DIP2C: variants seen among roughly 807,000 people sequenced by gnomAD.
The protein encoded by DIP2C is disco-interacting protein 2 homolog C.
Under a neutral mutation model 192.4 loss-of-function variants are expected in DIP2C, and 33 were observed. The observed-to-expected ratio is 0.17, with a 90% CI of 0.13 to 0.23. The LOEUF (loss-of-function observed/expected upper bound fraction) is 0.23, where lower values mean the gene tolerates loss of function less well. DIP2C is among the 10% of genes least tolerant of loss of function. The pLI, the probability that DIP2C is intolerant of heterozygous loss-of-function variation, is 1.00. For missense variants in DIP2C, 1,537 were observed against 2,110.1 expected, an observed-to-expected ratio of 0.73 and a Z score of 5.32; for synonymous variants, 979 against 864.1, an observed-to-expected ratio of 1.13 and a Z score of -2.33.
At chr10:308,120 C>G (rs1212985170) in intron 32 of DIP2C, among the ~76,000 whole-genome samples, 2 of 152,184 alleles carry the variant, frequency 1.3e-5, no homozygotes, top group African/African-American at 4.8e-5. Flanking sequence ...CTGGGCGGGG[C>G]CCGGTGAAAG....
chr10:318,614 T>C (rs1456027902), intron 31 of DIP2C, among the ~76,000 whole-genome samples: 1 of 152,174 alleles, frequency 6.6e-6, no homozygotes, highest in Non-Finnish European at 1.5e-5. Context: ...GAGGTTTCCA[T>C]TGCTTACAGG....
chr10:609,157 A>G (rs564051660), intron 1 of DIP2C, among the ~76,000 whole-genome samples: 27 of 152,304 alleles, frequency 1.8e-4, no homozygotes, highest in African/African-American at 5.5e-4. Flanking sequence ...CAAGACAAAC[A>G]TGACTACAAA....
intron 16 of DIP2C, 34 bp from the exon 17 acceptor site, chr10:382,795 G>T: frequency 6.9e-7 from 1 of 1,447,720 alleles, no homozygotes; most frequent in Non-Finnish European, 9.5e-7. Flanking sequence ...TCAGACAGCT[G>T]AAGCACTGTG....
At chr10:295,388 C>T (rs745649869) in intron 32 of DIP2C, among the ~76,000 whole-genome samples, 5 of 151,518 alleles carry the variant, frequency 3.3e-5, no homozygotes, top group African/African-American at 4.9e-5. Context: ...AGTGAAACCC[C>T]GTCTCTATTA....
chr10:468,032 T>C (rs899574606), intron 3 of DIP2C, among the ~76,000 whole-genome samples: 3 of 152,126 alleles, frequency 2.0e-5, no homozygotes, highest in Non-Finnish European at 4.4e-5. Context: ...GTCACAGACC[T>C]CGAGCTGCCA....
intron 1 of DIP2C, among the ~76,000 whole-genome samples, chr10:511,728 T>C (rs926346169): frequency 6.6e-6 from 1 of 152,110 alleles, no homozygotes; most frequent in Non-Finnish European, 1.5e-5. Context: ...CCGAGCTCTC[T>C]TCACAGGGAG....
chr10:536,298 G>A (rs1847688482), intron 1 of DIP2C, among the ~76,000 whole-genome samples: 1 of 152,200 alleles, frequency 6.6e-6, no homozygotes, highest in Non-Finnish European at 1.5e-5. Flanking sequence ...TGGGACGTAG[G>A]ACCCACCCTA....
intron 1 of DIP2C, among the ~76,000 whole-genome samples, chr10:613,124 C>CA (rs143616907): frequency 0.011 from 1,690 of 152,230 alleles, 35 homozygotes; most frequent in African/African-American, 0.038. Flanking sequence ...GCCTCGTCTG[C>CA]AAAAAACAGT....
At chr10:500,194 C>CT (rs1845127344) in intron 1 of DIP2C, among the ~76,000 whole-genome samples, 1 of 152,282 alleles carries the variant, frequency 6.6e-6, no homozygotes, top group African/African-American at 2.4e-5. Flanking sequence ...TGACAACCAC[C>CT]TCTGTGCTCA....
rs1854298286 is a variant in DIP2C, at chr10:627,975, C to T, written c.85+61519G>A. ...ACGACTTTGCTGTTTTACCGGGGTA[C>T]TAAAATGCAGCATCGGAATGTTTAA... On this transcript the variant is annotated intron_variant, in intron 1 of 36. Transcript: ENST00000280886. Among the ~76,000 whole-genome samples the T allele has an allele frequency of 2.6e-5, 4 of 152,344 alleles. No individual in the cohort carries two copies. The South Asian group carries it at 8.3e-4, about 32-fold the overall frequency.
chr10:623,640 G>A (rs372181089), intron 1 of DIP2C, among the ~76,000 whole-genome samples: 1 of 91,638 alleles, frequency 1.1e-5, no homozygotes, highest in Admixed American at 1.1e-4. Flanking sequence ...AAGGAAGGAC[G>A]CAGGGGCGAG....
chr10:307,519 G>T (rs1021953555), intron 32 of DIP2C, among the ~76,000 whole-genome samples: 1 of 152,182 alleles, frequency 6.6e-6, no homozygotes, highest in African/African-American at 2.4e-5. Context: ...GGTGGGCTGG[G>T]GGCTGCGGAC....
At chr10:418,175 C>T (rs1442604844) in intron 6 of DIP2C, among the ~76,000 whole-genome samples, 1 of 59,368 alleles carries the variant, frequency 1.7e-5, no homozygotes, top group Non-Finnish European at 3.0e-5. Context: ...GCCTCCCTGT[C>T]CACCTGCACC....
At chr10:619,138 C>G (rs1401640990) in intron 1 of DIP2C, among the ~76,000 whole-genome samples, 1 of 152,154 alleles carries the variant, frequency 6.6e-6, no homozygotes, top group African/African-American at 2.4e-5. Flanking sequence ...TTCAGTAAAA[C>G]TGCAGTTCCC....
At chr10:409,237 GGAGA>G (rs1441817017) in intron 8 of DIP2C, among the ~76,000 whole-genome samples, 1 of 152,008 alleles carries the variant, frequency 6.6e-6, no homozygotes, top group African/African-American at 2.4e-5. Flanking sequence ...CAAAACTTCA[GGAGA>G]GAGAATGAAA....
chr10:391,139 C>T (rs763749128), intron 10 of DIP2C, among the ~76,000 whole-genome samples: 3 of 152,200 alleles, frequency 2.0e-5, no homozygotes, highest in Non-Finnish European at 2.9e-5. Flanking sequence ...TGCAGGCTGG[C>T]GTTCAGCGGG....
chr10:588,317 C>T (rs1407883192), intron 1 of DIP2C, among the ~76,000 whole-genome samples: 2 of 152,230 alleles, frequency 1.3e-5, no homozygotes, highest in Non-Finnish European at 2.9e-5. Flanking sequence ...AGGGAAGGAC[C>T]AGGACTGTGT....
intron 1 of DIP2C, among the ~76,000 whole-genome samples, chr10:497,593 A>G (rs1298169342): frequency 6.6e-6 from 1 of 152,136 alleles, no homozygotes; most frequent in Non-Finnish European, 1.5e-5. Context: ...AGGAATCCAA[A>G]CCGTACGTAG....
chr10:347,414 C>T (rs1589560822), intron 26 of DIP2C, among the ~76,000 whole-genome samples: 4 of 149,434 alleles, frequency 2.7e-5, no homozygotes, highest in South Asian at 2.1e-4. Context: ...GGACACATCG[C>T]GCATAGTTCT....
Sources: gnomAD v4.1 joint callset for allele counts (sites outside exome capture counted in the v4.1 genomes callset) on GRCh38, gnomAD v4.1.1 for gene constraint, MANE v1.5 for transcripts, NCBI Gene and HGNC (gene_info 2026-07-23, HGNC 2026-07-21) for gene names.